UTRN: variants seen among roughly 807,000 people sequenced by gnomAD.
UTRN encodes the protein dystrophin-related protein 1.
UTRN carries 283 observed loss-of-function variants against 463.9 expected under a neutral mutation model. That is an observed-to-expected ratio of 0.61 (90% confidence interval 0.55 to 0.67). The LOEUF is 0.67. Ranked by LOEUF, UTRN falls within the 30% of genes least tolerant of loss-of-function variation. The probability of loss-of-function intolerance (pLI) is 0.00; values close to 1 mark genes in which losing one functional copy is unlikely to be tolerated. For synonymous variants in UTRN, 1,442 were observed against 1,431.5 expected (o/e 1.01, Z -0.17); for missense variants, 3,922 against 4,084.3 (o/e 0.96, Z 1.08).
chr6:144,586,237 G>C (rs1376562509), intron 51 of UTRN, among the ~76,000 whole-genome samples: 1 of 151,982 alleles, frequency 6.6e-6, no homozygotes, highest in Non-Finnish European at 1.5e-5. Context: ...GCATGTCACA[G>C]CTCTCAGAGT....
intron 51 of UTRN, among the ~76,000 whole-genome samples, chr6:144,663,287 G>A (rs1780057329): frequency 6.6e-6 from 1 of 152,184 alleles, no homozygotes; most frequent in Non-Finnish European, 1.5e-5. Flanking sequence ...GGGATGAGAA[G>A]TTGTGGCCAT....
chr6:144,634,642 G>A (rs1025908954), intron 51 of UTRN, among the ~76,000 whole-genome samples: 2 of 152,228 alleles, frequency 1.3e-5, no homozygotes, highest in South Asian at 2.1e-4. Flanking sequence ...TATTTATAGA[G>A]CTGTACAACC....
chr6:144,794,515 C>T (rs1270424145), intron 63 of UTRN, among the ~76,000 whole-genome samples: 2 of 152,180 alleles, frequency 1.3e-5, no homozygotes, highest in African/African-American at 4.8e-5. Context: ...CACCTAATAT[C>T]GTCCACCTCT....
Position 144,625,672 on chromosome 6 carries a change from G to C in UTRN, c.7479+48384G>C, listed in dbSNP as rs151030120. Reference sequence around the variant, plus strand: ...GGAATGTGCTAATGCAAATACTTATGAATTGATTTGCTCTACATATTTTCC... The same window carrying C: ...GGAATGTGCTAATGCAAATACTTATCAATTGATTTGCTCTACATATTTTCC... On this transcript the variant is annotated intron_variant, in intron 51 of 74. Transcript: ENST00000367545. Among the ~76,000 whole-genome samples, 3 of 152,292 alleles carry C rather than the reference G, an allele frequency of 2.0e-5. No homozygotes were observed. In the East Asian group the frequency reaches 5.8e-4, roughly 29 times the overall value.
intron 2 of UTRN, among the ~76,000 whole-genome samples, chr6:144,376,556 A>G (rs1015742173): frequency 6.6e-6 from 1 of 152,012 alleles, no homozygotes; most frequent in African/African-American, 2.4e-5. Flanking sequence ...TCGGCCTCCC[A>G]AAGTGCTGGG....
At position 144,573,698 on chromosome 6, in the gene UTRN, G is replaced by GAATAAAATAAAATAA. The variant is rs148232067; in HGVS notation, c.7290-3389_7290-3375dup. On this transcript the variant is annotated intron_variant, in intron 50 of 74. Transcript: ENST00000367545. Reference sequence around the variant, plus strand: ...GTGACAGAGCAAGACTCCATCTCTAGAATAAAATAAAATAAAATAAAATAA... The same window carrying GAATAAAATAAAATAA: ...GTGACAGAGCAAGACTCCATCTCTAGAATAAAATAAAATAAAATAAAATAAAATAAAATAAAATAA... Among the ~76,000 whole-genome samples, 1,211 of 150,082 alleles carry GAATAAAATAAAATAA rather than the reference G, an allele frequency of 8.1e-3. 12 individuals carry two copies. Among genetic ancestry groups the GAATAAAATAAAATAA allele is most frequent in the African/African-American group, 0.028 (1,141 of 40,616 alleles).
chr6:144,801,940 C>G (rs916833792), intron 64 of UTRN, among the ~76,000 whole-genome samples: 2 of 152,252 alleles, frequency 1.3e-5, no homozygotes, highest in African/African-American at 2.4e-5. Context: ...CCTTGAAATT[C>G]CAATTAGAAC....
chr6:144,768,958 GTT>G (rs1158164345), intron 58 of UTRN, among the ~76,000 whole-genome samples: 1 of 112,518 alleles, frequency 8.9e-6, no homozygotes, highest in Non-Finnish European at 1.9e-5. Context: ...GTTTTGTTTT[GTT>G]TTTTTTTTTT....
At chr6:144,344,205 T>C (rs1777382499) in intron 2 of UTRN, 1 of 1,303,838 alleles carries the variant, frequency 7.7e-7, no homozygotes, top group Non-Finnish European at 1.0e-6. Flanking sequence ...TAAGCAGATG[T>C]AGGTGATGAG....
At chr6:144,471,125 T>C (rs1790608354) in intron 23 of UTRN, among the ~76,000 whole-genome samples, 1 of 149,164 alleles carries the variant, frequency 6.7e-6, no homozygotes, top group African/African-American at 2.5e-5. Flanking sequence ...GTTTCTTTTC[T>C]CTTTCTTTTT....
chr6:144,378,319 T>A (rs954308837), intron 2 of UTRN, among the ~76,000 whole-genome samples: 1 of 152,234 alleles, frequency 6.6e-6, no homozygotes, highest in Non-Finnish European at 1.5e-5. Flanking sequence ...CAATATTTTT[T>A]AAATTGACAA....
intron 48 of UTRN, among the ~76,000 whole-genome samples, chr6:144,552,479 T>G (rs1799011673): frequency 6.6e-6 from 1 of 152,204 alleles, no homozygotes; most frequent in African/African-American, 2.4e-5. Context: ...ATGTTTTCTT[T>G]TAATTATTAT....
intron 51 of UTRN, among the ~76,000 whole-genome samples, chr6:144,674,059 C>A (rs1001168729): frequency 6.6e-6 from 1 of 152,098 alleles, no homozygotes; most frequent in Non-Finnish European, 1.5e-5. Context: ...GATGCTTTTG[C>A]CTCACAGCTC....
chr6:144,467,314 CTG>C (rs1334982934), intron 23 of UTRN, among the ~76,000 whole-genome samples: 2 of 152,228 alleles, frequency 1.3e-5, no homozygotes, highest in Non-Finnish European at 2.9e-5. Context: ...TGTGATTCGA[CTG>C]TGTGTCATTT....
At chr6:144,668,796 A>C (rs935337657) in intron 51 of UTRN, among the ~76,000 whole-genome samples, 1 of 152,172 alleles carries the variant, frequency 6.6e-6, no homozygotes, top group Non-Finnish European at 1.5e-5. Flanking sequence ...TAGGGGTTCA[A>C]AAAAAAGAAT....
chr6:144,292,560 G>A (rs531818447), intron 2 of UTRN, among the ~76,000 whole-genome samples: 1 of 152,074 alleles, frequency 6.6e-6, no homozygotes, highest in African/African-American at 2.4e-5. Flanking sequence ...TTTAAAAAAC[G>A]CAGATGCATT....
intron 2 of UTRN, among the ~76,000 whole-genome samples, chr6:144,371,317 C>CT (rs34221827): frequency 6.6e-6 from 1 of 152,064 alleles, no homozygotes; most frequent in African/African-American, 2.4e-5. Context: ...ATCTAGCATG[C>CT]TTTTTTAAAT....
chr6:144,700,421 T>C (rs1039018723), intron 53 of UTRN, among the ~76,000 whole-genome samples, 178 bp downstream of exon 53: 1 of 152,152 alleles, frequency 6.6e-6, no homozygotes, highest in African/African-American at 2.4e-5. Flanking sequence ...TCCATTTGTA[T>C]TATCTTCACA....
intron 2 of UTRN, among the ~76,000 whole-genome samples, chr6:144,300,671 G>A (rs963921146): frequency 6.6e-6 from 1 of 152,184 alleles, no homozygotes; most frequent in African/African-American, 2.4e-5. Context: ...TCCTCAGGCA[G>A]TTTTAAGATT....
Sources: allele counts gnomAD v4.1 joint callset (sites outside exome capture counted in the v4.1 genomes callset), GRCh38; gene constraint gnomAD v4.1.1; transcripts MANE v1.5; gene names NCBI Gene and HGNC (gene_info 2026-07-23, HGNC 2026-07-21).